The following GLMN variants were observed in gnomAD, a reference collection of about 807,000 sequenced individuals.
The protein encoded by GLMN is glomulin, FKBP associated protein, also known as glomulin.
Under a neutral mutation model 87.8 loss-of-function variants are expected in GLMN, and 75 were observed. That is an observed-to-expected ratio of 0.85 (90% confidence interval 0.71 to 1.04). The LOEUF (loss-of-function observed/expected upper bound fraction) is 1.04. GLMN is among the 50% of genes least tolerant of loss of function. The pLI, the probability that GLMN is intolerant of heterozygous loss-of-function variation, is 0.00. For missense variants in GLMN, 588 were observed against 658.8 expected, an observed-to-expected ratio of 0.89 and a Z score of 1.18; for synonymous variants, 206 against 221.6, an observed-to-expected ratio of 0.93 and a Z score of 0.63.
chr1:92,329,118 A>G, the GLMN span, among the ~76,000 whole-genome samples: 250 of 152,294 alleles, frequency 1.6e-3, no homozygotes, highest in African/African-American at 5.9e-3. Flanking sequence ...GTTGGCCTTC[A>G]GCCAGGAGGT....
At chr1:92,334,058 T>C in the GLMN span, among the ~76,000 whole-genome samples, 16 of 152,330 alleles carry the variant, frequency 1.1e-4, no homozygotes, top group Admixed American at 4.6e-4. Context: ...GGTTTTTTTT[T>C]CCCAGAGGTA....
chr1:92,347,310 T>C, the GLMN span, among the ~76,000 whole-genome samples: 1 of 152,190 alleles, frequency 6.6e-6, no homozygotes, highest in Non-Finnish European at 1.5e-5. Flanking sequence ...TGTAAATATT[T>C]TGGTCACTGG....
chr1:92,290,229 A>AC lies in GLMN; in HGVS notation c.362dup (p.Ser121ArgfsTer18). On this transcript the variant is annotated frameshift_variant, in exon 5 of 19. Coordinates refer to ENST00000370360, the MANE Select transcript of GLMN (RefSeq NM_053274.3). LOFTEE classifies it high-confidence loss of function. Reference sequence around the variant, plus strand: ...GTAATGGCTGAAGCAAAAGAAGAATACTTTGGGATATCTGTTTTCCAGAGG... The same window carrying AC: ...GTAATGGCTGAAGCAAAAGAAGAATACCTTTGGGATATCTGTTTTCCAGAGG... 1 of 1,606,110 alleles carries AC rather than the reference A, an allele frequency of 6.2e-7. No individual in the cohort carries two copies. The highest frequency in any genetic ancestry group is 8.5e-7 in the Non-Finnish European group (1 of 1,172,942).
intron 6 of GLMN, among the ~76,000 whole-genome samples, chr1:92,287,659 T>C (rs1648931424): frequency 6.6e-6 from 1 of 152,076 alleles, no homozygotes. Flanking sequence ...TTTTTAAATG[T>C]CCTAACCTGA....
At chr1:92,288,769 G>A (rs1003179566) in intron 6 of GLMN, 145 bp downstream of exon 6, 2 of 666,914 alleles carry the variant, frequency 3.0e-6, no homozygotes, top group Non-Finnish European at 5.4e-6. Context: ...TTCCCATGCT[G>A]TATCAACTGA....
the GLMN span, among the ~76,000 whole-genome samples, chr1:92,313,768 C>T: frequency 6.6e-6 from 1 of 152,200 alleles, no homozygotes; most frequent in Non-Finnish European, 1.5e-5. Context: ...GATTTGTCTA[C>T]ATTGAAAATT....
At chr1:92,306,785 G>A in the GLMN span, among the ~76,000 whole-genome samples, 39,523 of 152,048 alleles carry the variant, frequency 0.26, 6,525 homozygotes, top group Non-Finnish European at 0.35. Context: ...GCTACAGTGA[G>A]TGAGACCCTG....
the GLMN span, among the ~76,000 whole-genome samples, chr1:92,319,363 C>G: frequency 6.6e-6 from 1 of 152,226 alleles, no homozygotes; most frequent in Non-Finnish European, 1.5e-5. Flanking sequence ...CTTATTCTCT[C>G]TGTACTCAGT....
At chr1:92,327,862 T>C in the GLMN span, among the ~76,000 whole-genome samples, 3 of 152,216 alleles carry the variant, frequency 2.0e-5, no homozygotes, top group Non-Finnish European at 4.4e-5. Flanking sequence ...TAGTGGTGAA[T>C]TCTCTCAGAA....
At chr1:92,292,386 T>C (rs929802309) in intron 3 of GLMN, among the ~76,000 whole-genome samples, 1 of 152,060 alleles carries the variant, frequency 6.6e-6, no homozygotes, top group Non-Finnish European at 1.5e-5. Flanking sequence ...ACCCTGTCTC[T>C]GTTTTTTAAA....
At chr1:92,288,161 T>C (rs904220356) in intron 6 of GLMN, among the ~76,000 whole-genome samples, 4 of 152,126 alleles carry the variant, frequency 2.6e-5, no homozygotes, top group African/African-American at 7.2e-5. Context: ...GTTTAGTCTA[T>C]AGTACCCATG....
intron 16 of GLMN, among the ~76,000 whole-genome samples, chr1:92,257,135 T>G (rs1292271463): frequency 6.6e-6 from 1 of 152,080 alleles, no homozygotes; most frequent in Non-Finnish European, 1.5e-5. Flanking sequence ...AAATCATGAG[T>G]GAACTCCCAT....
intron 7 of GLMN, among the ~76,000 whole-genome samples, chr1:92,275,698 C>G (rs1310642418): frequency 4.6e-5 from 7 of 152,194 alleles, no homozygotes. Context: ...CTAAGATTAC[C>G]AATGCCATCT....
chr1:92,345,991 T>C, the GLMN span: 2 of 1,038,504 alleles, frequency 1.9e-6, no homozygotes, highest in East Asian at 2.4e-5. Context: ...AGTGATCCAC[T>C]GATTTTGTAA....
chr1:92,359,774 G>T, the GLMN span, among the ~76,000 whole-genome samples: 1 of 152,232 alleles, frequency 6.6e-6, no homozygotes, highest in Non-Finnish European at 1.5e-5. Flanking sequence ...CTAGATTTTA[G>T]TGTCAGCATT....
At chr1:92,286,938 A>G (rs1648822013) in intron 6 of GLMN, among the ~76,000 whole-genome samples, 2 of 152,230 alleles carry the variant, frequency 1.3e-5, no homozygotes, top group African/African-American at 4.8e-5. Context: ...CAGAACTGTG[A>G]ACCAATGAAT....
In GLMN at chr1:92,286,258, T is replaced by TTA. The variant is rs535632815; in HGVS notation, c.735+230_735+231dup. Among the ~76,000 whole-genome samples, 869 of 150,048 alleles carry TTA rather than the reference T, an allele frequency of 5.8e-3. 7 individuals are homozygous for TTA. Among genetic ancestry groups the TTA allele is most frequent in the African/African-American group, 0.018 (742 of 41,158 alleles). On this transcript the variant is annotated intron_variant, in intron 7 of 18. Transcript: ENST00000370360. ...TATATATATAAAATCTTTGAAAAAT[T>TTA]TATATATATGTATTATTATAAATAA... is the stretch of plus-strand genomic sequence containing the variant.
intron 3 of GLMN, among the ~76,000 whole-genome samples, chr1:92,292,366 A>T (rs1649504326): frequency 1.3e-5 from 2 of 152,218 alleles, no homozygotes; most frequent in South Asian, 4.1e-4. Flanking sequence ...AGCCTGGGCA[A>T]CCTAGTGAGA....
chr1:92,303,696 G>GCCTC, upstream of GLMN, among the ~76,000 whole-genome samples: 1 of 152,044 alleles, frequency 6.6e-6, no homozygotes, highest in East Asian at 1.9e-4. Context: ...TCTTCCTCAT[G>GCCTC]CCTCAGAATT....
Sources: gnomAD v4.1 joint callset for allele counts (sites outside exome capture counted in the v4.1 genomes callset) on GRCh38, gnomAD v4.1.1 for gene constraint, MANE v1.5 for transcripts, NCBI Gene and HGNC (gene_info 2026-07-23, HGNC 2026-07-21) for gene names.